Variants in KIFAP3 observed in about 807,000 individuals in gnomAD.
The protein encoded by KIFAP3 is kinesin associated protein 3, also known as kinesin-associated protein 3.
Under a neutral mutation model 106.5 loss-of-function variants are expected in KIFAP3, and 68 were observed. The observed-to-expected ratio is 0.64, with a 90% CI of 0.53 to 0.78. The LOEUF is 0.78. Among genes scored for constraint, KIFAP3 ranks in the 30% least tolerant of loss-of-function variants. KIFAP3 has a pLI of 0.00. For missense variants in KIFAP3, 780 were observed against 941.8 expected, an observed-to-expected ratio of 0.83 and a Z score of 2.25; for synonymous variants, 320 against 311.5, an observed-to-expected ratio of 1.03 and a Z score of -0.29.
intron 8 of KIFAP3, among the ~76,000 whole-genome samples, chr1:170,026,721 G>C (rs1003238928): frequency 6.6e-6 from 1 of 152,204 alleles, no homozygotes; most frequent in Non-Finnish European, 1.5e-5. Flanking sequence ...AAAAAAATGA[G>C]AGGAGTAGAA....
At chr1:170,039,961 T>C (rs765973429) in intron 3 of KIFAP3, among the ~76,000 whole-genome samples, 39 of 152,148 alleles carry the variant, frequency 2.6e-4, no homozygotes, top group Non-Finnish European at 4.4e-4. Context: ...CTATCAAATA[T>C]ACTTTATGGA....
chr1:169,952,283 A>T (rs868725873), intron 19 of KIFAP3, among the ~76,000 whole-genome samples: 17 of 152,002 alleles, frequency 1.1e-4, no homozygotes, highest in African/African-American at 3.6e-4. Context: ...CATGCTTTTA[A>T]ACTTTGGGTC....
intron 1 of KIFAP3, among the ~76,000 whole-genome samples, chr1:170,079,970 G>T (rs1328370808): frequency 6.6e-6 from 1 of 151,418 alleles, no homozygotes; most frequent in East Asian, 1.9e-4. Context: ...ATTGTTTTCA[G>T]GTGATATTAT....
intron 19 of KIFAP3, among the ~76,000 whole-genome samples, chr1:169,944,235 T>C (rs1664301710): frequency 6.6e-6 from 1 of 152,200 alleles, no homozygotes; most frequent in African/African-American, 2.4e-5. Flanking sequence ...ACAGCAGGCA[T>C]GCTGGCTGAC....
intron 3 of KIFAP3, among the ~76,000 whole-genome samples, chr1:170,045,972 C>G (rs77072448): frequency 0.021 from 3,160 of 152,032 alleles, 114 homozygotes; most frequent in African/African-American, 0.072. Context: ...AGTGAAACAG[C>G]TGATGCCAAC....
At chr1:169,997,728 G>A (rs1292172727) in intron 10 of KIFAP3, among the ~76,000 whole-genome samples, 1 of 151,862 alleles carries the variant, frequency 6.6e-6, no homozygotes, top group Non-Finnish European at 1.5e-5. Context: ...AAATTTGCCA[G>A]GCATGATGGC....
chr1:169,998,399 T>TACACACAC (rs1205858764), intron 10 of KIFAP3, among the ~76,000 whole-genome samples: 46 of 97,760 alleles, frequency 4.7e-4, no homozygotes, highest in Non-Finnish European at 3.5e-4. Context: ...TATATATATA[T>TACACACAC]ACACACACAC....
chr1:170,055,268 T>C, intron 2 of KIFAP3, 37 bp downstream of exon 2: 1 of 1,562,774 alleles, frequency 6.4e-7, no homozygotes, highest in East Asian at 2.3e-5. Context: ...TATATAATGT[T>C]CACTACTTTC....
intron 10 of KIFAP3, among the ~76,000 whole-genome samples, chr1:169,994,856 G>A (rs1380694070): frequency 6.6e-6 from 1 of 151,774 alleles, no homozygotes; most frequent in Non-Finnish European, 1.5e-5. Context: ...TTATAAAGAA[G>A]AGAGAAGCTG....
chr1:169,961,239 T>C lies in KIFAP3; in HGVS notation c.1984-4A>G, dbSNP rs748794130. On this transcript the variant is annotated splice_polypyrimidine_tract_variant and splice_region_variant and intron_variant, in intron 17 of 19. Transcript: ENST00000361580. ...TAGCCCATTCTTCATCATATTCCTA[T>C]TGAAAACAAACAGTCAACTGTTATT... The C allele has an allele frequency of 1.3e-5, 21 of 1,607,236 alleles. No homozygotes were observed. Among genetic ancestry groups the C allele is most frequent in the East Asian group, 2.2e-5 (1 of 44,870 alleles).
chr1:170,075,907 C>T (rs1191082943), upstream of KIFAP3, among the ~76,000 whole-genome samples: 1 of 152,116 alleles, frequency 6.6e-6, no homozygotes, highest in Non-Finnish European at 1.5e-5. Context: ...CCTCATTGGA[C>T]TTCCTATTTT....
intron 10 of KIFAP3, among the ~76,000 whole-genome samples, chr1:170,005,913 T>C (rs907522790): frequency 1.3e-5 from 2 of 151,778 alleles, no homozygotes; most frequent in Non-Finnish European, 2.9e-5. Flanking sequence ...TACTCAAAAC[T>C]GTGAAGAAAA....
At chr1:170,013,371 T>G (rs185070254) in intron 10 of KIFAP3, among the ~76,000 whole-genome samples, 13 of 152,046 alleles carry the variant, frequency 8.6e-5, no homozygotes, top group African/African-American at 2.9e-4. Flanking sequence ...CTTTTGATGA[T>G]AATTTCACAT....
intron 9 of KIFAP3, among the ~76,000 whole-genome samples, chr1:170,019,816 T>C (rs1668715521): frequency 6.6e-6 from 1 of 152,152 alleles, no homozygotes; most frequent in Admixed American, 6.5e-5. Context: ...CTCAACATCA[T>C]ACTAGAGGGC....
At chr1:170,077,428 A>G (rs1375215761), upstream of KIFAP3, among the ~76,000 whole-genome samples, 1 of 152,260 alleles carries the variant, frequency 6.6e-6, no homozygotes, top group Non-Finnish European at 1.5e-5. Context: ...CATTTGAAAT[A>G]TTCACACAAT....
At chr1:169,955,564 G>T (rs1431216824) in intron 18 of KIFAP3, among the ~76,000 whole-genome samples, 5 of 152,104 alleles carry the variant, frequency 3.3e-5, no homozygotes, top group Non-Finnish European at 1.5e-5. Context: ...CTAAAAAATT[G>T]AGTGAATGGT....
intron 19 of KIFAP3, among the ~76,000 whole-genome samples, chr1:169,948,854 A>G (rs1344854462): frequency 6.6e-6 from 1 of 152,014 alleles, no homozygotes; most frequent in African/African-American, 2.4e-5. Context: ...TTCTAGTAAT[A>G]TGTAGTTCTG....
intron 1 of KIFAP3, among the ~76,000 whole-genome samples, chr1:170,064,936 C>T (rs1278275112): frequency 6.6e-6 from 1 of 152,162 alleles, no homozygotes; most frequent in African/African-American, 2.4e-5. Context: ...ATTTTCCTTT[C>T]TAATGTCCTT....
chr1:170,024,156 ACTTT>A (rs1415804944), intron 9 of KIFAP3: 1 of 238,024 alleles, frequency 4.2e-6, no homozygotes, highest in Non-Finnish European at 8.0e-6. Context: ...ATTTAAACAA[ACTTT>A]CTATATATTA....
Sources: gnomAD v4.1 joint callset for allele counts (sites outside exome capture counted in the v4.1 genomes callset) on GRCh38, gnomAD v4.1.1 for gene constraint, MANE v1.5 for transcripts, NCBI Gene and HGNC (gene_info 2026-07-23, HGNC 2026-07-21) for gene names.